Variants in BMERB1 observed in about 807,000 individuals in gnomAD.
BMERB1 encodes the protein bMERB domain containing 1.
BMERB1 carries 12 observed loss-of-function variants against 23.6 expected under a neutral mutation model. The ratio of observed to expected loss-of-function variants is 0.51; its 90% CI spans 0.33 to 0.82. The LOEUF is 0.82. Ranked by LOEUF, BMERB1 falls within the 40% of genes least tolerant of loss-of-function variation. The probability of loss-of-function intolerance (pLI) is 0.03; values close to 1 mark genes in which losing one functional copy is unlikely to be tolerated. For synonymous variants in BMERB1, 122 were observed against 96.6 expected, an observed-to-expected ratio of 1.26 and a Z score of -1.54; for missense variants, 247 against 255.4, an observed-to-expected ratio of 0.97 and a Z score of 0.22.
chr16:15,582,689 G>C (rs1324467206), intron 4 of BMERB1, among the ~76,000 whole-genome samples: 10 of 152,298 alleles, frequency 6.6e-5, no homozygotes, highest in African/African-American at 2.2e-4. Context: ...TTGCACTCCA[G>C]CCTGGGTGGC....
intron 2 of BMERB1, among the ~76,000 whole-genome samples, chr16:15,558,613 A>G (rs542064008): frequency 2.0e-5 from 3 of 152,050 alleles, no homozygotes; most frequent in Admixed American, 6.5e-5. Flanking sequence ...ACTTTAAGCA[A>G]CCATTACCGT....
chr16:15,532,949 T>G, intron 2 of BMERB1: 1 of 453,146 alleles, frequency 2.2e-6, no homozygotes, highest in South Asian at 1.6e-5. Flanking sequence ...CCGGATTAAA[T>G]TACACCTAGA....
chr16:15,473,119 C>T (rs1404147060), intron 1 of BMERB1, among the ~76,000 whole-genome samples: 3 of 151,946 alleles, frequency 2.0e-5, no homozygotes, highest in Non-Finnish European at 4.4e-5. Flanking sequence ...CTCAGCCTCC[C>T]GAAGTGTTGG....
rs1282403190 is a variant in BMERB1, at chr16:15,568,101, G to GC, written c.304+50dup. 6 of 1,588,816 alleles carry GC rather than the reference G, an allele frequency of 3.8e-6. No individual in the cohort carries two copies. The African/African-American group carries it at 4.0e-5, about 11-fold the overall frequency. On this transcript the variant is annotated intron_variant, in intron 3 of 5. Transcript: ENST00000300006. ...CCTTGTGCTAAACAGGTGCTTGGGGGCCCCCAGCCTGGCCCATCTGTACGC... is the reference window on the plus strand; with the variant it reads ...CCTTGTGCTAAACAGGTGCTTGGGGGCCCCCCAGCCTGGCCCATCTGTACGC...
At chr16:15,562,320 A>C (rs1035759932) in intron 2 of BMERB1, among the ~76,000 whole-genome samples, 4 of 150,910 alleles carry the variant, frequency 2.7e-5, no homozygotes, top group East Asian at 1.9e-4. Context: ...AAAAAAAAAA[A>C]CATAAATAAA....
chr16:15,535,027 G>A (rs2052012256), intron 2 of BMERB1, among the ~76,000 whole-genome samples: 1 of 152,084 alleles, frequency 6.6e-6, no homozygotes, highest in Non-Finnish European at 1.5e-5. Context: ...GTGGATTTCT[G>A]TTCCTTCTAG....
chr16:15,571,420 C>T (rs1243991830), intron 3 of BMERB1, among the ~76,000 whole-genome samples: 5 of 151,270 alleles, frequency 3.3e-5, no homozygotes, highest in South Asian at 2.1e-4. Context: ...TGCAGTGGCG[C>T]GATCTCTGCT....
In BMERB1 at chr16:15,586,704, C is replaced by T; in HGVS notation, c.503-13C>T. The T allele has an allele frequency of 6.3e-7, 1 of 1,595,954 alleles. No homozygotes were observed. The highest frequency in any genetic ancestry group is 2.3e-5 in the East Asian group (1 of 44,330). On this transcript the variant is annotated splice_polypyrimidine_tract_variant and intron_variant, in intron 5 of 5. Coordinates refer to ENST00000300006, the MANE Select transcript of BMERB1 (RefSeq NM_033201.3). ...CTTTCTCCCCCTCTCCCTGTGCCCA[C>T]ATCTTGCTGCAGGCTCCCGGGCAGA...
intron 2 of BMERB1, among the ~76,000 whole-genome samples, chr16:15,545,460 ACT>A (rs1468662394): frequency 1.3e-5 from 2 of 152,076 alleles, no homozygotes; most frequent in Non-Finnish European, 2.9e-5. Flanking sequence ...TGGTGGGAAC[ACT>A]CTGACGCTTC....
At chr16:15,524,742 G>A (rs909199821) in intron 2 of BMERB1, among the ~76,000 whole-genome samples, 10 of 152,180 alleles carry the variant, frequency 6.6e-5, no homozygotes, top group African/African-American at 2.4e-4. Flanking sequence ...CTGCATTCCA[G>A]CCTGGGTGAC....
At chr16:15,509,230 G>A (rs1189083294) in intron 1 of BMERB1, among the ~76,000 whole-genome samples, 1 of 151,402 alleles carries the variant, frequency 6.6e-6, no homozygotes, top group East Asian at 2.0e-4. Context: ...TACTCATATC[G>A]TGGGGTGGTT....
intron 2 of BMERB1, among the ~76,000 whole-genome samples, chr16:15,519,049 T>G (rs1400332311): frequency 1.4e-5 from 2 of 145,668 alleles, no homozygotes; most frequent in African/African-American, 5.1e-5. Flanking sequence ...TCTTTCTCAC[T>G]CCATCCTTAC....
At position 15,447,078 on chromosome 16, in the gene BMERB1, C is replaced by A. The variant is rs1002978332; in HGVS notation, c.106+12319C>A. Among the ~76,000 whole-genome samples, 5 of 152,120 alleles carry A rather than the reference C, an allele frequency of 3.3e-5. No homozygotes were observed. In the East Asian group the frequency reaches 9.6e-4, roughly 29 times the overall value. ...CGTGATCTTGGGCTAGTTACTTAAC[C>A]TCTCTGAATTTCAGTTTTCTCATCT... On this transcript the variant is annotated intron_variant, in intron 1 of 5. Coordinates refer to ENST00000300006, the MANE Select transcript of BMERB1 (RefSeq NM_033201.3).
chr16:15,517,096 A>T (rs1333013977), intron 2 of BMERB1, among the ~76,000 whole-genome samples: 2 of 152,224 alleles, frequency 1.3e-5, no homozygotes, highest in African/African-American at 4.8e-5. Context: ...GACATCTCTG[A>T]GGAAGGTTCT....
intron 1 of BMERB1, among the ~76,000 whole-genome samples, chr16:15,481,217 T>C (rs1196085270): frequency 1.3e-5 from 2 of 148,406 alleles, no homozygotes; most frequent in East Asian, 3.9e-4. Flanking sequence ...CCATTTCTGC[T>C]AAAAAAAAAA....
Position 15,568,067 on chromosome 16 carries a change from G to C in BMERB1, c.304+11G>C. ...TGGTCGCCATCCCAGGTAACCATTTGCAACTTCACCTTGTGCTAAACAGGT... is the reference window on the plus strand; with the variant it reads ...TGGTCGCCATCCCAGGTAACCATTTCCAACTTCACCTTGTGCTAAACAGGT... On this transcript the variant is annotated intron_variant, in intron 3 of 5. Transcript: ENST00000300006. 6.2e-7 allele frequency: 1 copy of C among 1,613,624 alleles called. No individual in the cohort carries two copies. The highest frequency in any genetic ancestry group is 8.5e-7 in the Non-Finnish European group (1 of 1,179,746).
At chr16:15,497,872 C>G (rs936850629) in intron 1 of BMERB1, among the ~76,000 whole-genome samples, 1 of 152,206 alleles carries the variant, frequency 6.6e-6, no homozygotes, top group African/African-American at 2.4e-5. Context: ...CGTTCACTCT[C>G]CTGCCCCCGG....
At chr16:15,506,091 C>G (rs563151722) in intron 1 of BMERB1, among the ~76,000 whole-genome samples, 2 of 152,094 alleles carry the variant, frequency 1.3e-5, no homozygotes, top group Non-Finnish European at 2.9e-5. Context: ...TAGCACTGCC[C>G]CAATTGCCCC....
chr16:15,461,506 G>A (rs567233509), intron 1 of BMERB1, among the ~76,000 whole-genome samples: 10 of 152,112 alleles, frequency 6.6e-5, no homozygotes, highest in Middle Eastern at 3.4e-3. Context: ...CTAAGAGCCC[G>A]GAATAAAACG....
Sources: allele counts gnomAD v4.1 joint callset (sites outside exome capture counted in the v4.1 genomes callset), GRCh38; gene constraint gnomAD v4.1.1; transcripts MANE v1.5; gene names NCBI Gene and HGNC (gene_info 2026-07-23, HGNC 2026-07-21).